TIMM23: variants seen among roughly 807,000 people sequenced by gnomAD.
The protein encoded by TIMM23 is mitochondrial import inner membrane translocase subunit Tim23.
In TIMM23, 19 loss-of-function variants were observed where a neutral mutation model predicts 30.7. That is an observed-to-expected ratio of 0.62 (90% confidence interval 0.43 to 0.91). TIMM23 has a LOEUF of 0.91. TIMM23 is among the 40% of genes least tolerant of loss of function. TIMM23 has a pLI of 0.00. For missense variants in TIMM23, 202 were observed against 269.2 expected, an observed-to-expected ratio of 0.75 and a Z score of 1.75; for synonymous variants, 78 against 98.5, an observed-to-expected ratio of 0.79 and a Z score of 1.23.
intron 6 of TIMM23, among the ~76,000 whole-genome samples, chr10:45,993,244 C>CTTTTTTTTTCTTT (rs1838222259): frequency 2.8e-5 from 2 of 72,062 alleles, no homozygotes; most frequent in Middle Eastern, 7.5e-3. Context: ...TCTACCATCA[C>CTTTTTTTTTCTTT]TTTTTTTTTT....
intron 6 of TIMM23, among the ~76,000 whole-genome samples, chr10:45,999,983 C>G (rs1554917369): frequency 6.6e-6 from 1 of 152,218 alleles, no homozygotes; most frequent in African/African-American, 2.4e-5. Context: ...CTCTGTTCCA[C>G]CTGGCTCACT....
intron 4 of TIMM23, among the ~76,000 whole-genome samples, chr10:45,984,160 G>A (rs1441292730): frequency 6.6e-6 from 1 of 151,996 alleles, no homozygotes; most frequent in East Asian, 1.9e-4. Flanking sequence ...TTAAGTTTTT[G>A]TATTATGGGG....
chr10:45,982,811 T>C, intron 3 of TIMM23, 35 bp from the exon 4 acceptor site: 1 of 1,613,492 alleles, frequency 6.2e-7, no homozygotes. Context: ...AATATAAAGC[T>C]GTCTTTATCT....
chr10:45,996,947 A>G (rs1325848101), intron 6 of TIMM23, among the ~76,000 whole-genome samples: 1 of 147,436 alleles, frequency 6.8e-6, no homozygotes, highest in Non-Finnish European at 1.5e-5. Flanking sequence ...CCTGGACGAC[A>G]GAGTGAGACC....
At chr10:45,987,246 C>T (rs1489741487) in intron 5 of TIMM23, among the ~76,000 whole-genome samples, 1 of 147,460 alleles carries the variant, frequency 6.8e-6, no homozygotes. Flanking sequence ...AAAAAAAAAA[C>T]AGTTTTTCCT....
chr10:45,991,903 A>C (rs1838173999), intron 6 of TIMM23, among the ~76,000 whole-genome samples: 1 of 151,776 alleles, frequency 6.6e-6, no homozygotes, highest in Admixed American at 6.6e-5. Flanking sequence ...GGGCTCCCTC[A>C]CCACTGCCCC....
At position 46,003,367 on chromosome 10, in the gene TIMM23, C is replaced by G. The variant is rs1554918219; in HGVS notation, c.*49C>G. On this transcript the variant is annotated 3_prime_UTR_variant, in exon 7 of 7. Coordinates refer to ENST00000580018, the MANE Select transcript of TIMM23 (RefSeq NM_006327.4). The stretch of plus-strand genomic sequence containing the variant: ...AGGACACTTCAGTAGTCATCTAGAT[C>G]CTTTTATAAGACAGTTTGGAGTTAT... 2 of 1,289,966 alleles carry G rather than the reference C, an allele frequency of 1.6e-6. No individual in the cohort carries two copies. The highest frequency in any genetic ancestry group is 1.5e-5 in the African/African-American group (1 of 68,064). The allele number at this position is 1,289,966 out of a possible 1,614,324, so 79.9% of individuals were successfully genotyped here. A position where few individuals can be genotyped will look rare whatever the true frequency, so the allele number is the denominator to read the frequency against.
intron 5 of TIMM23, among the ~76,000 whole-genome samples, 172 bp from the exon 6 acceptor site, chr10:45,988,565 A>G (rs1249286888): frequency 2.0e-5 from 3 of 152,168 alleles, no homozygotes; most frequent in Non-Finnish European, 2.9e-5. Flanking sequence ...AAGCTGTTCC[A>G]AAGCTGATTC....
At chr10:45,990,369 C>T (rs1340712736) in intron 6 of TIMM23, among the ~76,000 whole-genome samples, 1 of 152,028 alleles carries the variant, frequency 6.6e-6, no homozygotes, top group African/African-American at 2.4e-5. Flanking sequence ...GTGTTCCACC[C>T]TCCTCAGCCT....
chr10:45,976,144 C>T (rs1554913041), intron 2 of TIMM23, among the ~76,000 whole-genome samples: 1 of 152,010 alleles, frequency 6.6e-6, no homozygotes, highest in African/African-American at 2.4e-5. Flanking sequence ...GGAAATATAT[C>T]TTGGGTATAT....
In TIMM23 at chr10:46,003,208, C is replaced by T; in HGVS notation, c.520C>T (p.Leu174Phe). The T allele has an allele frequency of 6.2e-7, 1 of 1,613,608 alleles. No homozygotes were observed. Among genetic ancestry groups the T allele is most frequent in the Non-Finnish European group, 8.5e-7 (1 of 1,179,622 alleles). ...CTTTTGTCTCTGTTTCCCAGGTGGTCTTCGAGGGATAGCACGAGGTGGTCT... is the reference window on the plus strand; with the variant it reads ...CTTTTGTCTCTGTTTCCCAGGTGGTTTTCGAGGGATAGCACGAGGTGGTCT... ...TGMLYKCTGG[L>F]RGIARGGLTG... The change falls in exon 7 of 7, where the codon CTT becomes TTT. Residue 174 changes from leucine (L) to phenylalanine (F), a missense_variant. Physicochemically the swap from Leu to Phe is conservative, Grantham distance 22. Coordinates refer to ENST00000580018, the MANE Select transcript of TIMM23 (RefSeq NM_006327.4).
intron 6 of TIMM23, among the ~76,000 whole-genome samples, chr10:46,002,142 T>C (rs1424339795): frequency 6.6e-6 from 1 of 150,752 alleles, no homozygotes; most frequent in Non-Finnish European, 1.5e-5. Context: ...AAGTGGGGGG[T>C]GGTCACCAGC....
intron 6 of TIMM23, among the ~76,000 whole-genome samples, chr10:45,999,558 T>C (rs1590132784): frequency 6.6e-6 from 1 of 151,994 alleles, no homozygotes; most frequent in African/African-American, 2.4e-5. Flanking sequence ...TGCGAATAGG[T>C]GTGGGTCAGA....
chr10:45,990,673 T>G (rs1428915292), intron 6 of TIMM23: 1 of 426,260 alleles, frequency 2.3e-6, no homozygotes, highest in Non-Finnish European at 4.6e-6. Context: ...TCATCCTGCC[T>G]CAGCCTCCCA....
Position 45,992,546 on chromosome 10 carries a change from A to G in TIMM23, c.514+3699A>G, listed in dbSNP as rs587649032. ...ATTAGAAGGTAGCAATCAAAATCCA[A>G]TTAAGCTTTTTTTTCCTTTTTTTTT... On this transcript the variant is annotated intron_variant, in intron 6 of 6. Transcript: ENST00000580018. 366 of 429,018 alleles carry G rather than the reference A, an allele frequency of 8.5e-4. 1 individual carries two copies. The highest frequency in any genetic ancestry group is 6.6e-3 in the African/African-American group (316 of 47,840). The allele number at this position is 429,018 out of a possible 1,614,324, so 26.6% of individuals were successfully genotyped here.
rs1837877936 is a variant in TIMM23, at chr10:45,982,507, A to G, written c.166-16A>G. The G allele has an allele frequency of 2.4e-5, 39 of 1,613,628 alleles. No individual in the cohort carries two copies. In the South Asian group the frequency reaches 3.5e-4, roughly 15 times the overall value. ...TTGAGGGACACTCAGCTTGGTTTTC[A>G]TTATTATCCTTTTAGGATACAGATG... On this transcript the variant is annotated splice_polypyrimidine_tract_variant and intron_variant, in intron 2 of 6. Coordinates refer to ENST00000580018, the MANE Select transcript of TIMM23 (RefSeq NM_006327.4).
At chr10:45,991,473 T>A (rs1349147796) in intron 6 of TIMM23, among the ~76,000 whole-genome samples, 5 of 152,140 alleles carry the variant, frequency 3.3e-5, no homozygotes, top group Admixed American at 3.3e-4. Flanking sequence ...TTGGGTCAGC[T>A]GGGCACGGTG....
intron 6 of TIMM23, chr10:45,998,523 T>C: frequency 2.4e-6 from 1 of 409,922 alleles, no homozygotes; most frequent in East Asian, 1.6e-4. Flanking sequence ...TAGAGTTGTT[T>C]GAGTAAAGAA....
chr10:45,988,316 T>C (rs76911020), intron 5 of TIMM23, among the ~76,000 whole-genome samples: 90,344 of 151,898 alleles, frequency 0.59, 27,329 homozygotes, highest in Admixed American at 0.68. Context: ...GGTACGATCT[T>C]TTCTGAAATG....
Sources: gnomAD v4.1 joint callset for allele counts (sites outside exome capture counted in the v4.1 genomes callset) on GRCh38, gnomAD v4.1.1 for gene constraint, MANE v1.5 for transcripts, NCBI Gene and HGNC (gene_info 2026-07-23, HGNC 2026-07-21) for gene names.